The following MYO10 variants were observed in gnomAD, a reference collection of about 807,000 sequenced individuals.
The protein encoded by MYO10 is myosin X, also known as unconventional myosin-X.
MYO10 carries 133 observed loss-of-function variants against 257.3 expected under a neutral mutation model. That is an observed-to-expected ratio of 0.52 (90% CI 0.45 to 0.60). The LOEUF (loss-of-function observed/expected upper bound fraction) is 0.60, where lower values mean the gene tolerates loss of function less well. Among genes scored for constraint, MYO10 ranks in the 20% least tolerant of loss-of-function variants. The probability of loss-of-function intolerance (pLI) is 0.00; values close to 1 mark genes in which losing one functional copy is unlikely to be tolerated. For missense variants in MYO10, 2,399 were observed against 2,635.7 expected (o/e 0.91, Z 1.97); for synonymous variants, 1,104 against 1,028.6 (o/e 1.07, Z -1.40).
intron 1 of MYO10, among the ~76,000 whole-genome samples, chr5:16,878,528 A>T (rs1413928989): frequency 6.6e-6 from 1 of 152,188 alleles, no homozygotes; most frequent in Non-Finnish European, 1.5e-5. Flanking sequence ...AGCTTTTTCA[A>T]GGCTCAATTT....
chr5:16,717,404 C>G lies in MYO10; in HGVS notation c.1930-6159G>C, dbSNP rs141908104. On this transcript the variant is annotated intron_variant, in intron 19 of 40. Transcript: ENST00000513610. The stretch of plus-strand genomic sequence containing the variant: ...AGTGGCAATCCGTCTTCTGGAAACA[C>G]AGACATTCTCTGGAGATTTAAGCAC... 2.0e-4 allele frequency among the ~76,000 whole-genome samples: 30 copies of G among 152,294 alleles called. No individual in the cohort carries two copies. The East Asian group carries it at 5.4e-3, about 27-fold the overall frequency.
At chr5:16,935,461 G>A (rs1746409131) in intron 1 of MYO10, among the ~76,000 whole-genome samples, 1 of 152,088 alleles carries the variant, frequency 6.6e-6, no homozygotes, top group Admixed American at 6.5e-5. Context: ...CAGTCGAGCG[G>A]GCGGATCGCC....
intron 2 of MYO10, among the ~76,000 whole-genome samples, chr5:16,853,087 T>A (rs1439459697): frequency 6.6e-6 from 1 of 152,102 alleles, no homozygotes; most frequent in Non-Finnish European, 1.5e-5. Flanking sequence ...TGATCATATG[T>A]TGGCCGGGCG....
intron 19 of MYO10, among the ~76,000 whole-genome samples, chr5:16,720,291 T>G (rs1474694199): frequency 6.6e-6 from 1 of 152,160 alleles, no homozygotes; most frequent in Non-Finnish European, 1.5e-5. Context: ...CTTTACTGCC[T>G]TAACTTGGGA....
chr5:16,869,536 C>T (rs867273080), intron 2 of MYO10, among the ~76,000 whole-genome samples: 17 of 151,894 alleles, frequency 1.1e-4, no homozygotes, highest in Admixed American at 6.6e-5. Context: ...ACCACTGCAC[C>T]CCAGCCTAGA....
At chr5:16,738,598 C>A (rs1240685574) in intron 19 of MYO10, among the ~76,000 whole-genome samples, 6 of 151,444 alleles carry the variant, frequency 4.0e-5, no homozygotes, top group African/African-American at 7.3e-5. Flanking sequence ...AAAACAACAA[C>A]AACAAAAAAA....
chr5:16,747,059 T>C (rs900536873), intron 19 of MYO10, among the ~76,000 whole-genome samples: 8 of 152,296 alleles, frequency 5.3e-5, no homozygotes, highest in South Asian at 2.1e-4. Flanking sequence ...TATTTGTATA[T>C]GAAGCATCAG....
chr5:16,882,302 T>C (rs1006534679), intron 1 of MYO10, among the ~76,000 whole-genome samples: 1 of 152,214 alleles, frequency 6.6e-6, no homozygotes, highest in African/African-American at 2.4e-5. Flanking sequence ...GGTGAGGATG[T>C]AGAGAAACTG....
At chr5:16,857,574 G>T (rs77139720) in intron 2 of MYO10, among the ~76,000 whole-genome samples, 2,211 of 152,304 alleles carry the variant, frequency 0.015, 55 homozygotes, top group African/African-American at 0.047. Context: ...AACACCTGCT[G>T]AATCAGAAGC....
chr5:16,837,375 A>T (rs894004524), intron 2 of MYO10, among the ~76,000 whole-genome samples: 2 of 152,178 alleles, frequency 1.3e-5, no homozygotes, highest in Non-Finnish European at 2.9e-5. Context: ...CAGACACAAA[A>T]GGCTATATAT....
chr5:16,849,411 A>C (rs1401768678), intron 2 of MYO10, among the ~76,000 whole-genome samples: 1 of 152,148 alleles, frequency 6.6e-6, no homozygotes, highest in East Asian at 1.9e-4. Context: ...GTGCCACTAG[A>C]ATCAAGTTTG....
chr5:16,687,322 C>CA (rs201850264), intron 28 of MYO10, among the ~76,000 whole-genome samples: 22 of 150,010 alleles, frequency 1.5e-4, no homozygotes, highest in East Asian at 7.9e-4. Context: ...CTCTGCCTCA[C>CA]AAAAAAAACA....
intron 34 of MYO10, among the ~76,000 whole-genome samples, 194 bp from the exon 35 acceptor site, chr5:16,675,344 A>G (rs1239024260): frequency 3.9e-5 from 6 of 152,204 alleles, no homozygotes; most frequent in Admixed American, 3.9e-4. Flanking sequence ...CTGTTTTGTT[A>G]TCTAATTGAA....
At position 16,701,517 on chromosome 5, in the gene MYO10, A is replaced by T; in HGVS notation, c.2878T>A (p.Ser960Thr). 1 of 1,613,764 alleles carries T rather than the reference A, an allele frequency of 6.2e-7. No homozygotes were observed. Among genetic ancestry groups the T allele is most frequent in the East Asian group, 2.2e-5 (1 of 44,832 alleles). ...IDECVRNIER[S>T]LSVGSEFSSE... ...GAAAATTCGCTTCCCACCGACAGGG[A>T]CCGCTCGATATTCCGGACACACTCG... Residue 960 changes from serine (S) to threonine (T), a missense_variant, in exon 25 of 41, where the codon TCC becomes ACC. By Grantham distance (58) the Ser-to-Thr change is moderately conservative. Around this residue, in one of 3 missense-constraint regions of MYO10, gnomAD observed 1,820 missense variants for 1,939.4 expected, o/e 0.94. Coordinates refer to ENST00000513610, the MANE Select transcript of MYO10 (RefSeq NM_012334.3). The surrounding 1 kb of genome is among the most constrained non-coding windows in gnomAD (Gnocchi z 8.1).
chr5:16,781,113 T>G (rs180862526), intron 6 of MYO10, among the ~76,000 whole-genome samples: 1 of 151,510 alleles, frequency 6.6e-6, no homozygotes, highest in East Asian at 1.9e-4. Context: ...AGTGTCTCGC[T>G]CTCTCGCCCA....
chr5:16,902,684 AT>A, intron 1 of MYO10: 2 of 983,724 alleles, frequency 2.0e-6, no homozygotes, highest in Non-Finnish European at 3.2e-6. Flanking sequence ...AATTTTTTGT[AT>A]TTTTAGTGGA....
intron 2 of MYO10, among the ~76,000 whole-genome samples, chr5:16,844,535 A>G (rs947791840): frequency 6.6e-6 from 1 of 152,136 alleles, no homozygotes; most frequent in African/African-American, 2.4e-5. Flanking sequence ...TTTGCTAGTT[A>G]ATCTACCAGA....
In MYO10 at chr5:16,725,074, TCTTC is replaced by T. The variant is rs1300997924; in HGVS notation, c.1930-13833_1930-13830del. 4.4e-5 allele frequency among the ~76,000 whole-genome samples: 6 copies of T among 135,586 alleles called. No homozygotes were observed. In the South Asian group the frequency reaches 1.2e-3, roughly 26 times the overall value. The allele number at this position is 135,586 out of a possible 152,430, so 88.9% of individuals were successfully genotyped here. On this transcript the variant is annotated intron_variant, in intron 19 of 40. Coordinates refer to ENST00000513610, the MANE Select transcript of MYO10 (RefSeq NM_012334.3). ...AGGATATACAGTTCTCTCACCTTCT[TCTTC>T]TTTTTTTTTTTTTTTTTTTTTTTTT...
chr5:16,882,149 C>T (rs1183794750), intron 1 of MYO10, among the ~76,000 whole-genome samples: 2 of 152,120 alleles, frequency 1.3e-5, no homozygotes, highest in Non-Finnish European at 1.5e-5. Context: ...ATTCCTATCC[C>T]CCTTTGAACT....
Sources: gnomAD v4.1 joint callset for allele counts (sites outside exome capture counted in the v4.1 genomes callset) on GRCh38, gnomAD v4.1.1 for gene constraint, gnomAD v4.1.1 regional missense constraint, Gnocchi (gnomAD v3.1) non-coding constraint, MANE v1.5 for transcripts, NCBI Gene and HGNC (gene_info 2026-07-23, HGNC 2026-07-21) for gene names.